Variants in HIVEP3 observed in about 807,000 individuals in gnomAD.
The protein encoded by HIVEP3 is transcription factor HIVEP3.
In HIVEP3, 49 loss-of-function variants were observed where a neutral mutation model predicts 152.8. That is an observed-to-expected ratio of 0.32 (90% CI 0.26 to 0.41). The LOEUF is 0.41. HIVEP3 is among the 10% of genes least tolerant of loss of function. The pLI, the probability that HIVEP3 is intolerant of heterozygous loss-of-function variation, is 1.00. For missense variants in HIVEP3, 2,790 were observed against 3,103.3 expected, an observed-to-expected ratio of 0.90 and a Z score of 2.40; for synonymous variants, 1,269 against 1,289.0, an observed-to-expected ratio of 0.98 and a Z score of 0.33.
chr1:41,680,600 T>C (rs1320028985), intron 2 of HIVEP3, among the ~76,000 whole-genome samples: 2 of 152,240 alleles, frequency 1.3e-5, no homozygotes, highest in African/African-American at 4.8e-5. Context: ...CACCTCTGCA[T>C]GGAAACTGCC....
rs1553253036 is a variant in HIVEP3, at chr1:41,722,403, G to GCCTTCCTGCCTT, written c.-800-21409_-800-21408insAAGGCAGGAAGG. ...GAGATCAGCAAAATAAATTTGGCTG[G>GCCTTCCTGCCTT]CCTTCCTTCCTTCCTTCCTTCCTTC... On this transcript the variant is annotated intron_variant, in intron 1 of 8. Transcript: ENST00000372583. Among the ~76,000 whole-genome samples the GCCTTCCTGCCTT allele has an allele frequency of 9.6e-3, 1,084 of 113,012 alleles. 8 individuals are homozygous for GCCTTCCTGCCTT. The highest frequency in any genetic ancestry group is 0.014 in the Non-Finnish European group (787 of 55,460). The allele number at this position is 113,012 out of a possible 152,430, so 74.1% of individuals were successfully genotyped here. A position where few individuals can be genotyped will look rare whatever the true frequency, so the allele number is the denominator to read the frequency against.
At chr1:41,980,130 C>T (rs1432805048) in intron 1 of HIVEP3, among the ~76,000 whole-genome samples, 1 of 152,186 alleles carries the variant, frequency 6.6e-6, no homozygotes, top group Non-Finnish European at 1.5e-5. Context: ...AATGGTGCAA[C>T]CACTTGGGAA....
intron 5 of HIVEP3, among the ~76,000 whole-genome samples, chr1:41,573,802 G>T (rs1644286599): frequency 6.6e-6 from 1 of 152,144 alleles, no homozygotes; most frequent in East Asian, 1.9e-4. Flanking sequence ...GAGGTAAGTG[G>T]GGCAGAGATG....
chr1:41,748,829 T>G (rs1209722952), intron 1 of HIVEP3, among the ~76,000 whole-genome samples: 1 of 152,212 alleles, frequency 6.6e-6, no homozygotes, highest in Non-Finnish European at 1.5e-5. Flanking sequence ...TTATTTGGCC[T>G]CTTTGAGGCT....
At chr1:41,527,263 A>AC (rs1643002057) in intron 5 of HIVEP3, among the ~76,000 whole-genome samples, 1 of 81,904 alleles carries the variant, frequency 1.2e-5, no homozygotes, top group Non-Finnish European at 2.6e-5. Context: ...ACACCCTCAC[A>AC]TGCTCACCCT....
intron 5 of HIVEP3, among the ~76,000 whole-genome samples, chr1:41,538,678 G>A (rs1295444431): frequency 6.6e-6 from 1 of 152,278 alleles, no homozygotes; most frequent in South Asian, 2.1e-4. Context: ...GAAGAGCAGA[G>A]GCCTAAGAGC....
intron 2 of HIVEP3, among the ~76,000 whole-genome samples, chr1:41,698,797 C>T (rs997410248): frequency 2.0e-5 from 3 of 152,200 alleles, no homozygotes; most frequent in African/African-American, 4.8e-5. Context: ...CTGAATGTAG[C>T]TCCCTCTCTC....
At chr1:41,952,584 T>C (rs909471492) in intron 1 of HIVEP3, among the ~76,000 whole-genome samples, 7 of 152,320 alleles carry the variant, frequency 4.6e-5, no homozygotes, top group Admixed American at 6.5e-5. Flanking sequence ...GCTTTCTATG[T>C]AGTCTCATGA....
At chr1:41,576,360 T>C (rs1035363649) in intron 4 of HIVEP3, among the ~76,000 whole-genome samples, 2 of 152,220 alleles carry the variant, frequency 1.3e-5, no homozygotes, top group Non-Finnish European at 2.9e-5. Context: ...CCACGCTCTT[T>C]ACAGAGCCAC....
At chr1:41,569,207 T>G (rs1644215714) in intron 5 of HIVEP3, among the ~76,000 whole-genome samples, 1 of 152,226 alleles carries the variant, frequency 6.6e-6, no homozygotes, top group Non-Finnish European at 1.5e-5. Flanking sequence ...TCAGTATTTC[T>G]TTATAGCAAT....
At chr1:41,626,830 T>C (rs1226251002) in intron 3 of HIVEP3, among the ~76,000 whole-genome samples, 2 of 152,188 alleles carry the variant, frequency 1.3e-5, no homozygotes, top group African/African-American at 4.8e-5. Context: ...GGGTCATCCT[T>C]GGAGCTGTCA....
rs750304247 is a variant in HIVEP3, at chr1:41,522,013, C to T, written c.5383+2722G>A. Among the ~76,000 whole-genome samples the T allele has an allele frequency of 1.4e-4, 21 of 152,352 alleles. 1 individual carries two copies. Among genetic ancestry groups the T allele is most frequent in the Non-Finnish European group, 2.5e-4 (17 of 68,032 alleles). On this transcript the variant is annotated intron_variant, in intron 6 of 8. Transcript: ENST00000372583. ...TTTCCAGAGGCCTGAGCTGCTGCCA[C>T]GACGTCTGACACAAGAGACGAGACA...
At chr1:41,968,242 CA>C (rs576530738) in intron 1 of HIVEP3, among the ~76,000 whole-genome samples, 2,667 of 136,220 alleles carry the variant, frequency 0.02, 30 homozygotes, top group South Asian at 0.034. Flanking sequence ...GGCAGAGATA[CA>C]AAAAAAAAAA....
chr1:41,645,940 C>T (rs1450036582), intron 2 of HIVEP3, among the ~76,000 whole-genome samples: 2 of 152,152 alleles, frequency 1.3e-5, no homozygotes, highest in Admixed American at 6.5e-5. Context: ...CACATTTGCA[C>T]GACCCCGAGG....
intron 3 of HIVEP3, among the ~76,000 whole-genome samples, chr1:41,602,948 TC>T (rs1644767808): frequency 1.4e-5 from 2 of 145,054 alleles, no homozygotes; most frequent in Admixed American, 1.3e-4. Flanking sequence ...TTTTCTAATT[TC>T]TTTTTTGATT....
rs113067873 is a variant in HIVEP3, at chr1:41,888,274, A to C, written c.-801+30139T>G. On this transcript the variant is annotated intron_variant, in intron 1 of 8. Transcript: ENST00000372583. Reference sequence around the variant, plus strand: ...TCAACATGTTAGCCAGGATGGTCTCAATCTCCTGACTTCGTAATCTGCCCA... The same window carrying C: ...TCAACATGTTAGCCAGGATGGTCTCCATCTCCTGACTTCGTAATCTGCCCA... Among the ~76,000 whole-genome samples the C allele has an allele frequency of 8.0e-3, 1,150 of 143,930 alleles. 11 individuals are homozygous for C. Among genetic ancestry groups the C allele is most frequent in the African/African-American group, 0.028 (1,084 of 38,190 alleles). The allele number at this position is 143,930 out of a possible 152,430, so 94.4% of individuals were successfully genotyped here.
At chr1:41,859,262 G>A (rs1570683695) in intron 1 of HIVEP3, among the ~76,000 whole-genome samples, 1 of 152,130 alleles carries the variant, frequency 6.6e-6, no homozygotes, top group Non-Finnish European at 1.5e-5. Flanking sequence ...CTGGCACCAT[G>A]CCCAGCCTAT....
chr1:41,990,781 C>T (rs1340416615), intron 1 of HIVEP3, among the ~76,000 whole-genome samples: 4 of 139,080 alleles, frequency 2.9e-5, no homozygotes, highest in African/African-American at 1.1e-4. Flanking sequence ...TGTAAAAGAA[C>T]AGAAATTATA....
At chr1:41,767,059 C>A (rs1414797299) in intron 1 of HIVEP3, among the ~76,000 whole-genome samples, 1 of 126,010 alleles carries the variant, frequency 7.9e-6, no homozygotes, top group Non-Finnish European at 1.7e-5. Flanking sequence ...CCCACTTCCT[C>A]TGCCCCATCT....
Sources: allele counts gnomAD v4.1 joint callset (sites outside exome capture counted in the v4.1 genomes callset), GRCh38; gene constraint gnomAD v4.1.1; transcripts MANE v1.5; gene names NCBI Gene and HGNC (gene_info 2026-07-23, HGNC 2026-07-21).